Variants in MCF2L2 observed in about 807,000 individuals in gnomAD.
MCF2L2 encodes probable guanine nucleotide exchange factor MCF2L2.
A neutral mutation model predicts 150.2 loss-of-function variants in MCF2L2; 102 were observed. That is an observed-to-expected ratio of 0.68 (90% CI 0.58 to 0.80). The LOEUF (loss-of-function observed/expected upper bound fraction) is 0.80. MCF2L2 is among the 30% of genes least tolerant of loss of function. The pLI, the probability that MCF2L2 is intolerant of heterozygous loss-of-function variation, is 0.00. For missense variants in MCF2L2, 1,256 were observed against 1,372.8 expected, an observed-to-expected ratio of 0.91 and a Z score of 1.34; for synonymous variants, 465 against 491.3, an observed-to-expected ratio of 0.95 and a Z score of 0.71.
intron 3 of MCF2L2, among the ~76,000 whole-genome samples, chr3:183,359,532 C>T (rs1196309374): frequency 6.6e-6 from 1 of 152,240 alleles, no homozygotes; most frequent in Non-Finnish European, 1.5e-5. Context: ...ACCTTGAACA[C>T]ACCTGAACTC....
intron 27 of MCF2L2, among the ~76,000 whole-genome samples, chr3:183,184,938 G>A (rs899302767): frequency 4.1e-5 from 6 of 147,320 alleles, no homozygotes; most frequent in African/African-American, 1.5e-4. Context: ...TTTTTTTTGA[G>A]ACGGAGTCTC....
At chr3:183,324,219 T>C (rs1235177942) in intron 5 of MCF2L2, among the ~76,000 whole-genome samples, 2 of 152,180 alleles carry the variant, frequency 1.3e-5, no homozygotes, top group African/African-American at 4.8e-5. Context: ...TGACAGGGCA[T>C]TGGGTTTTAT....
intron 12 of MCF2L2, 141 bp from the exon 13 acceptor site, chr3:183,295,618 A>C (rs538083031): frequency 4.0e-6 from 3 of 743,366 alleles, no homozygotes; most frequent in South Asian, 3.4e-5. Context: ...ATCACTATGC[A>C]AGTCGCTGCA....
chr3:183,318,212 G>A lies in MCF2L2; in HGVS notation c.609C>T (p.Ile203=), dbSNP rs368169652. The part of the protein sequence containing the change: ...HGQWVNHRTA[I]ENFALTLKTT... ...TCTTCAAGGTCAAGGCAAAGTTTTC[G>A]ATGGCCTGGAAGGTCAGACAATTGT... Residue 203 remains isoleucine (I), a synonymous_variant, in exon 7 of 30, where the codon ATC becomes ATT. Transcript: ENST00000328913. 16 of 1,614,062 alleles carry A rather than the reference G, an allele frequency of 9.9e-6. No homozygotes were observed. The highest frequency in any genetic ancestry group is 4.0e-5 in the African/African-American group (3 of 74,926).
chr3:183,325,397 C>G (rs1428079113), intron 5 of MCF2L2, among the ~76,000 whole-genome samples: 1 of 152,056 alleles, frequency 6.6e-6, no homozygotes, highest in Admixed American at 6.5e-5. Context: ...TTGTCAGGCC[C>G]CATGTCTTGC....
chr3:183,400,949 G>A (rs1243569999), intron 1 of MCF2L2, among the ~76,000 whole-genome samples: 1 of 152,028 alleles, frequency 6.6e-6, no homozygotes, highest in African/African-American at 2.4e-5. Context: ...GAGGCTTAAC[G>A]CTGCAGCCAG....
intron 3 of MCF2L2, among the ~76,000 whole-genome samples, chr3:183,356,437 C>A (rs543263676): frequency 1.3e-5 from 2 of 152,038 alleles, no homozygotes; most frequent in Admixed American, 6.5e-5. Flanking sequence ...TGTTTGAACC[C>A]GGGAGGCAGA....
rs1387725034 is a variant in MCF2L2, at chr3:183,290,565, C to T, written c.1676-1345G>A. Among the ~76,000 whole-genome samples, 7 of 151,542 alleles carry T rather than the reference C, an allele frequency of 4.6e-5. 1 individual carries two copies. The highest frequency in any genetic ancestry group is 2.6e-4 in the Admixed American group (4 of 15,206). On this transcript the variant is annotated intron_variant, in intron 13 of 29. Coordinates refer to ENST00000328913, the MANE Select transcript of MCF2L2 (RefSeq NM_015078.4). ...TCTTTTTTTTTTTGAGACAGAGTCT[C>T]GCTCTGTCGCCAGGCTGGAGTGCAG...
chr3:183,193,122 G>A (rs1721957100), intron 26 of MCF2L2, 26 bp from the exon 27 acceptor site: 1 of 1,587,038 alleles, frequency 6.3e-7, no homozygotes, highest in African/African-American at 1.3e-5. Context: ...CATGAATATT[G>A]AGTCACTGGA....
chr3:183,260,657 TC>T (rs1280667924), intron 15 of MCF2L2, among the ~76,000 whole-genome samples: 2 of 152,152 alleles, frequency 1.3e-5, no homozygotes, highest in Non-Finnish European at 2.9e-5. Context: ...CATTTGAAAT[TC>T]CCCGTCTTTA....
intron 3 of MCF2L2, among the ~76,000 whole-genome samples, chr3:183,365,725 T>C (rs1712482577): frequency 6.6e-6 from 1 of 151,980 alleles, no homozygotes. Flanking sequence ...GACTCAAAAT[T>C]CAGATACAAT....
chr3:183,358,339 T>C (rs1262290746), intron 3 of MCF2L2, among the ~76,000 whole-genome samples: 7 of 149,902 alleles, frequency 4.7e-5, no homozygotes, highest in Non-Finnish European at 3.0e-5. Context: ...AAAAGAAGAG[T>C]GTGGTGTTAG....
At chr3:183,282,884 C>G (rs1727582123) in intron 14 of MCF2L2, among the ~76,000 whole-genome samples, 1 of 152,196 alleles carries the variant, frequency 6.6e-6, no homozygotes, top group Non-Finnish European at 1.5e-5. Context: ...GTGGGCAGGG[C>G]TGCAGCCTCT....
chr3:183,209,848 T>C (rs1722628393), intron 22 of MCF2L2, among the ~76,000 whole-genome samples: 1 of 152,082 alleles, frequency 6.6e-6, no homozygotes, highest in Admixed American at 6.6e-5. Flanking sequence ...GTATAAGGTG[T>C]CATGAAACAT....
chr3:183,212,230 G>A (rs7635891), intron 22 of MCF2L2, among the ~76,000 whole-genome samples: 7 of 152,102 alleles, frequency 4.6e-5, no homozygotes, highest in African/African-American at 1.7e-4. Context: ...ACGTCTAGCC[G>A]TCAAAACTGT....
chr3:183,364,506 C>T (rs368830148), intron 3 of MCF2L2, among the ~76,000 whole-genome samples: 11 of 151,378 alleles, frequency 7.3e-5, no homozygotes, highest in African/African-American at 2.4e-4. Context: ...GGCAACAGAG[C>T]GAGACTCCAT....
chr3:183,415,477 G>A (rs751929479), intron 1 of MCF2L2, among the ~76,000 whole-genome samples: 20 of 152,090 alleles, frequency 1.3e-4, no homozygotes, highest in South Asian at 2.1e-4. Flanking sequence ...GTCAGCCACC[G>A]CACCCGGCCA....
At chr3:183,315,448 C>T (rs1729565258) in intron 7 of MCF2L2, among the ~76,000 whole-genome samples, 1 of 152,140 alleles carries the variant, frequency 6.6e-6, no homozygotes, top group South Asian at 2.1e-4. Context: ...TACTAAAAGG[C>T]CAATTAAATG....
chr3:183,276,078 G>C (rs140382309), intron 15 of MCF2L2, among the ~76,000 whole-genome samples: 2 of 152,220 alleles, frequency 1.3e-5, no homozygotes, highest in African/African-American at 4.8e-5. Context: ...GTTTTTCAGA[G>C]ATTATACCAT....
Sources: allele counts gnomAD v4.1 joint callset (sites outside exome capture counted in the v4.1 genomes callset), GRCh38; gene constraint gnomAD v4.1.1; transcripts MANE v1.5; gene names NCBI Gene and HGNC (gene_info 2026-07-23, HGNC 2026-07-21).